The following DLG2 variants were observed in gnomAD, a reference collection of about 807,000 sequenced individuals.
DLG2 encodes discs large MAGUK scaffold protein 2.
Under a neutral mutation model 132.5 loss-of-function variants are expected in DLG2, and 45 were observed. The observed-to-expected ratio is 0.34, with a 90% CI of 0.27 to 0.44. DLG2 has a LOEUF of 0.44. DLG2 is among the 20% of genes least tolerant of loss of function. The pLI is 1.00. For synonymous variants in DLG2, 424 were observed against 419.6 expected (o/e 1.01, Z -0.13); for missense variants, 1,045 against 1,196.9 (o/e 0.87, Z 1.87).
At chr11:85,010,099 C>G (rs541377984) in intron 6 of DLG2, among the ~76,000 whole-genome samples, 1 of 152,120 alleles carries the variant, frequency 6.6e-6, no homozygotes, top group East Asian at 1.9e-4. Context: ...TTTGGAGGAA[C>G]GGAGCCAAAA....
intron 4 of DLG2, among the ~76,000 whole-genome samples, chr11:85,247,831 A>G (rs2076211891): frequency 6.6e-6 from 1 of 152,104 alleles, no homozygotes; most frequent in Non-Finnish European, 1.5e-5. Flanking sequence ...AGTATATATT[A>G]TATTAGATAC....
intron 17 of DLG2, among the ~76,000 whole-genome samples, chr11:83,804,478 A>T (rs1323257664): frequency 6.6e-6 from 1 of 151,722 alleles, no homozygotes; most frequent in Non-Finnish European, 1.5e-5. Flanking sequence ...TATAATAAAA[A>T]CTCATAAAGA....
chr11:84,393,411 C>T (rs2098799812), intron 7 of DLG2, among the ~76,000 whole-genome samples: 1 of 152,072 alleles, frequency 6.6e-6, no homozygotes, highest in Non-Finnish European at 1.5e-5. Context: ...TACAGCTAAG[C>T]ACTACTCTAA....
chr11:84,707,834 G>C (rs1426019551), intron 6 of DLG2, among the ~76,000 whole-genome samples: 1 of 151,730 alleles, frequency 6.6e-6, no homozygotes, highest in African/African-American at 2.4e-5. Flanking sequence ...TAAAAACTGT[G>C]GGGCAAGCAC....
At chr11:84,207,704 A>C (rs893983969) in intron 8 of DLG2, among the ~76,000 whole-genome samples, 22 of 152,210 alleles carry the variant, frequency 1.4e-4, no homozygotes, top group African/African-American at 5.3e-4. Flanking sequence ...AAACATTTTT[A>C]AAATTCTTTG....
At chr11:84,790,892 C>G (rs1281647438) in intron 6 of DLG2, among the ~76,000 whole-genome samples, 1 of 152,174 alleles carries the variant, frequency 6.6e-6, no homozygotes, top group Non-Finnish European at 1.5e-5. Flanking sequence ...AATGACTTCA[C>G]TGTAGGTGTA....
chr11:84,816,213 T>C (rs1380292499), intron 6 of DLG2, among the ~76,000 whole-genome samples: 3 of 152,010 alleles, frequency 2.0e-5, no homozygotes, highest in Non-Finnish European at 2.9e-5. Context: ...AGGATGAGTT[T>C]GATTTATTAA....
chr11:83,458,894 A>C lies in DLG2; in HGVS notation c.*924T>G, dbSNP rs531787993. 1 of 152,328 alleles carries C rather than the reference A, an allele frequency of 6.6e-6. No individual in the cohort carries two copies. Among genetic ancestry groups the C allele is most frequent in the African/African-American group, 2.4e-5 (1 of 41,570 alleles). The allele number at this position is 152,328 out of a possible 1,614,324, so 9.4% of individuals were successfully genotyped here. On this transcript the variant is annotated 3_prime_UTR_variant, in exon 28 of 28. Transcript: ENST00000376104. ...GTATCACTAATGTGGAAGGGAGGTA[A>C]GTGAGGAAGAAGTCTTTGTCAGACT...
At chr11:84,866,676 A>G (rs1189101998) in intron 6 of DLG2, among the ~76,000 whole-genome samples, 2 of 152,234 alleles carry the variant, frequency 1.3e-5, no homozygotes, top group South Asian at 4.1e-4. Flanking sequence ...ATGAAGAAAT[A>G]GAAGGGAGGG....
intron 7 of DLG2, among the ~76,000 whole-genome samples, chr11:84,504,647 G>T (rs1472097966): frequency 5.9e-5 from 9 of 151,462 alleles, no homozygotes; most frequent in Non-Finnish European, 1.3e-4. Flanking sequence ...TTTTTTCTAG[G>T]CATTTAAACT....
chr11:84,094,265 G>A (rs2097136766), intron 10 of DLG2, among the ~76,000 whole-genome samples: 1 of 152,032 alleles, frequency 6.6e-6, no homozygotes, highest in Non-Finnish European at 1.5e-5. Flanking sequence ...GAATTTTATT[G>A]AGTCATTTAA....
chr11:85,240,419 TTA>T (rs1323802752), intron 4 of DLG2, among the ~76,000 whole-genome samples: 2 of 151,854 alleles, frequency 1.3e-5, no homozygotes, highest in Admixed American at 6.6e-5. Flanking sequence ...ACAAAAGCTC[TTA>T]TGTTTTAAAG....
At chr11:85,348,906 A>G (rs978716246) in intron 3 of DLG2, among the ~76,000 whole-genome samples, 2 of 152,144 alleles carry the variant, frequency 1.3e-5, no homozygotes, top group Non-Finnish European at 2.9e-5. Flanking sequence ...TATTCTTTCT[A>G]ACATGCAAAT....
chr11:84,918,073 A>AGGT (rs1255430413), intron 6 of DLG2, among the ~76,000 whole-genome samples: 1 of 152,212 alleles, frequency 6.6e-6, no homozygotes, highest in African/African-American at 2.4e-5. Flanking sequence ...AGCAAAGAGT[A>AGGT]GGTGTCAGCA....
At chr11:85,050,118 T>TCACACACACA (rs33991615) in intron 6 of DLG2, among the ~76,000 whole-genome samples, 2,453 of 136,778 alleles carry the variant, frequency 0.018, 58 homozygotes, top group Admixed American at 0.042. Context: ...CACTGTGTCA[T>TCACACACACA]CACACACACA....
chr11:84,857,280 G>C lies in DLG2; in HGVS notation c.357+254381C>G, dbSNP rs993955501. Among the ~76,000 whole-genome samples, 3 of 151,788 alleles carry C rather than the reference G, an allele frequency of 2.0e-5. 1 individual carries two copies. Among genetic ancestry groups the C allele is most frequent in the Admixed American group, 2.0e-4 (3 of 15,206 alleles). ...GGGCAGGTCCTATCAGGATTGAAGA[G>C]GTTAAAGAAACAATAAAGGAGTTAA... On this transcript the variant is annotated intron_variant, in intron 6 of 27. Transcript: ENST00000376104.
chr11:84,084,718 CT>C (rs1380368963), intron 10 of DLG2, among the ~76,000 whole-genome samples: 1 of 151,590 alleles, frequency 6.6e-6, no homozygotes, highest in South Asian at 2.1e-4. Flanking sequence ...GTTAACTTAC[CT>C]TTTTTGTTAA....
rs72959732 is a variant in DLG2, at chr11:85,056,924, T to C, written c.357+54737A>G. 4.2e-3 allele frequency among the ~76,000 whole-genome samples: 644 copies of C among 151,884 alleles called. 1 individual carries two copies. The highest frequency in any genetic ancestry group is 7.4e-3 in the Non-Finnish European group (505 of 67,788). ...AAAAAACAATGAATACACCAGCAGA[T>C]CTATATTTTAAAAAATACTAAAGAG... On this transcript the variant is annotated intron_variant, in intron 6 of 27. Coordinates refer to ENST00000376104, the MANE Select transcript of DLG2 (RefSeq NM_001142699.3).
chr11:85,426,609 C>T (rs1022899601), intron 3 of DLG2, among the ~76,000 whole-genome samples: 2 of 151,826 alleles, frequency 1.3e-5, no homozygotes, highest in East Asian at 3.9e-4. Flanking sequence ...AGGACATCCA[C>T]ACCAAAACCC....
Sources: allele counts gnomAD v4.1 joint callset (sites outside exome capture counted in the v4.1 genomes callset), GRCh38; gene constraint gnomAD v4.1.1; transcripts MANE v1.5; gene names NCBI Gene and HGNC (gene_info 2026-07-23, HGNC 2026-07-21).